The following NDRG2 variants were observed in gnomAD, a reference collection of about 807,000 sequenced individuals.
The protein encoded by NDRG2 is NDRG family member 2.
In NDRG2, 34 loss-of-function variants were observed where a neutral mutation model predicts 58.2. The ratio of observed to expected loss-of-function variants is 0.58; its 90% CI spans 0.44 to 0.78. The LOEUF (loss-of-function observed/expected upper bound fraction) is 0.78. Among genes scored for constraint, NDRG2 ranks in the 30% least tolerant of loss-of-function variants. The pLI, the probability that NDRG2 is intolerant of heterozygous loss-of-function variation, is 0.00. For missense variants in NDRG2, 434 were observed against 471.2 expected (o/e 0.92, Z 0.73); for synonymous variants, 187 against 175.9 (o/e 1.06, Z -0.50).
chr14:21,026,340 C>T (rs552528647), upstream of NDRG2, among the ~76,000 whole-genome samples: 237 of 151,014 alleles, frequency 1.6e-3, 1 homozygote, highest in African/African-American at 5.4e-3. Flanking sequence ...TCATATCCAC[C>T]CCAACCCCCT....
chr14:21,020,378 C>G, intron 8 of NDRG2, 118 bp downstream of exon 8: 1 of 738,392 alleles, frequency 1.4e-6, no homozygotes, highest in Admixed American at 2.5e-5. Flanking sequence ...ACTTTCCTGC[C>G]CCTTTACTCC....
chr14:21,017,663 G>A lies in NDRG2; in HGVS notation c.1049C>T (p.Ser350Phe). ...DGNRSRSRTL[S>F]QSSESGTLSS... is the part of the protein sequence containing the mutation. ...AAGAGTTCCAGACTCGCTGCTCTGG[G>A]ACAGGGTGCGAGAGCGGGACCGGTT... The change falls in exon 16 of 16, where the codon TCC (serine) becomes TTC (phenylalanine). Residue 350 changes from serine to phenylalanine, a missense_variant. Transcript: ENST00000556147. 2.5e-6 allele frequency: 4 copies of A among 1,612,750 alleles called. No individual in the cohort carries two copies. The highest frequency in any genetic ancestry group is 3.4e-6 in the Non-Finnish European group (4 of 1,179,412).
intron 8 of NDRG2, 121 bp from the exon 9 acceptor site, chr14:21,020,097 C>T: frequency 2.5e-6 from 2 of 793,816 alleles, no homozygotes; most frequent in South Asian, 2.9e-5. Context: ...AGTTCAAGAC[C>T]ACCCTGGCCA....
At chr14:21,044,933 C>T (rs957888197) in intron 1 of NDRG2, among the ~76,000 whole-genome samples, 5 of 152,174 alleles carry the variant, frequency 3.3e-5, no homozygotes, top group Admixed American at 6.5e-5. Context: ...TCCTGACTCC[C>T]GTCTACATGA....
chr14:21,040,069 C>T (rs956497879), intron 1 of NDRG2, among the ~76,000 whole-genome samples: 18 of 152,156 alleles, frequency 1.2e-4, no homozygotes, highest in African/African-American at 3.9e-4. Flanking sequence ...TGGTTTAAAC[C>T]GTGGATTTTA....
At chr14:21,058,671 G>C (rs1445098254) in intron 1 of NDRG2, among the ~76,000 whole-genome samples, 2 of 152,150 alleles carry the variant, frequency 1.3e-5, no homozygotes, top group African/African-American at 4.8e-5. Flanking sequence ...TAAAGAAAAA[G>C]AATATAAAAT....
At chr14:21,030,779 G>C, upstream of NDRG2, 4 of 1,610,436 alleles carry the variant, frequency 2.5e-6, no homozygotes, top group Non-Finnish European at 3.4e-6. Flanking sequence ...ATATGGAGGT[G>C]GGGGTGAGAA....
chr14:21,023,210 T>C, intron 2 of NDRG2, 31 bp downstream of exon 2: 1 of 1,595,774 alleles, frequency 6.3e-7, no homozygotes, highest in Non-Finnish European at 8.6e-7. Flanking sequence ...GTCTGGAATT[T>C]GGGCATGGGA....
At chr14:21,026,211 C>T (rs1465644049), upstream of NDRG2, among the ~76,000 whole-genome samples, 1 of 152,120 alleles carries the variant, frequency 6.6e-6, no homozygotes, top group Non-Finnish European at 1.5e-5. Context: ...GGAAGGCTCC[C>T]TGGAATGAGT....
chr14:21,018,415 GAT>G (rs1566452957), intron 13 of NDRG2, 40 bp downstream of exon 13: 7 of 1,612,590 alleles, frequency 4.3e-6, no homozygotes, highest in Non-Finnish European at 5.9e-6. Context: ...ATGTAGAGAG[GAT>G]ATATGACTGT....
At chr14:21,019,501 C>G in intron 10 of NDRG2, 138 bp downstream of exon 10, 1 of 643,330 alleles carries the variant, frequency 1.6e-6, no homozygotes, top group Non-Finnish European at 2.7e-6. Context: ...TGAAGCTGCC[C>G]CCATTGCACA....
intron 1 of NDRG2, 102 bp downstream of exon 1, chr14:21,023,928 C>T (rs1409231095): frequency 2.0e-6 from 2 of 979,738 alleles, no homozygotes; most frequent in Non-Finnish European, 2.4e-6. Flanking sequence ...CCTCCCAACT[C>T]TGAATAAACT....
intron 1 of NDRG2, chr14:21,057,934 G>A: frequency 6.2e-7 from 1 of 1,614,064 alleles, no homozygotes; most frequent in South Asian, 1.1e-5. Context: ...TGCTGCTGCT[G>A]CTTCTGGGGC....
At chr14:21,062,395 T>C (rs1041031419) in intron 1 of NDRG2, among the ~76,000 whole-genome samples, 13 of 152,184 alleles carry the variant, frequency 8.5e-5, no homozygotes, top group Non-Finnish European at 1.6e-4. Context: ...GAGTGGAACC[T>C]GGACCTCTGT....
Position 21,057,838 on chromosome 14 carries a change from T to A in NDRG2, c.24+12990A>T, listed in dbSNP as rs149199469. ...AAGGACTAACAAGACTCCCCCATGA[T>A]GACCTATTCATCCACCTACCTCCTC... On this transcript the variant is annotated intron_variant, in intron 1 of 14. Transcript: ENST00000403829. 1.2e-3 allele frequency: 1,783 copies of A among 1,474,208 alleles called. 24 individuals are homozygous for A. The African/African-American group carries it at 0.022, about 18-fold the overall frequency. The allele number at this position is 1,474,208 out of a possible 1,614,324, so 91.3% of individuals were successfully genotyped here.
chr14:21,065,065 G>C (rs1000955476), intron 1 of NDRG2, among the ~76,000 whole-genome samples: 2 of 152,074 alleles, frequency 1.3e-5, no homozygotes, highest in African/African-American at 4.8e-5. Context: ...CAGCTACTTG[G>C]GAGGCTGAGG....
intron 1 of NDRG2, chr14:21,057,856 A>G (rs775020897): frequency 3.8e-6 from 6 of 1,572,802 alleles, no homozygotes; most frequent in Middle Eastern, 1.8e-4. Flanking sequence ...TCATCCACCT[A>G]CCTCCTCACT....
At chr14:21,027,171 T>C (rs1237099618), upstream of NDRG2, among the ~76,000 whole-genome samples, 1 of 152,208 alleles carries the variant, frequency 6.6e-6, no homozygotes, top group Non-Finnish European at 1.5e-5. Context: ...CCCAGCCTGC[T>C]GCAGGCAGAA....
upstream of NDRG2, chr14:21,030,746 C>A (rs369577466): frequency 3.1e-6 from 5 of 1,613,758 alleles, no homozygotes; most frequent in Non-Finnish European, 4.2e-6. Flanking sequence ...TCGTGTTCAG[C>A]AAAGTCAAGT....
Sources: allele counts gnomAD v4.1 joint callset (sites outside exome capture counted in the v4.1 genomes callset), GRCh38; gene constraint gnomAD v4.1.1; transcripts MANE v1.5; gene names NCBI Gene and HGNC (gene_info 2026-07-23, HGNC 2026-07-21).